Variants in NALCN observed in about 807,000 individuals in gnomAD.
The protein encoded by NALCN is sodium leak channel, non-selective, also known as sodium leak channel NALCN.
In NALCN, 111 loss-of-function variants were observed where a neutral mutation model predicts 225.3. The ratio of observed to expected loss-of-function variants is 0.49; its 90% CI spans 0.42 to 0.58. The LOEUF (loss-of-function observed/expected upper bound fraction) is 0.58. Among genes scored for constraint, NALCN ranks in the 20% least tolerant of loss-of-function variants. NALCN has a pLI of 0.00. For missense variants in NALCN, 1,378 were observed against 2,202.4 expected (o/e 0.63, Z 7.49); for synonymous variants, 764 against 769.0 (o/e 0.99, Z 0.11).
intron 7 of NALCN, among the ~76,000 whole-genome samples, chr13:101,314,278 T>C (rs769899006): frequency 6.6e-6 from 1 of 151,886 alleles, no homozygotes; most frequent in Middle Eastern, 3.2e-3. Flanking sequence ...AACCTGCACG[T>C]TGTGCACATG....
chr13:101,406,273 C>T (rs1487493357), intron 1 of NALCN, among the ~76,000 whole-genome samples: 1 of 151,938 alleles, frequency 6.6e-6, no homozygotes, highest in African/African-American at 2.4e-5. Flanking sequence ...CTGCAATGAG[C>T]CAAGATCATA....
intron 7 of NALCN, among the ~76,000 whole-genome samples, chr13:101,309,601 G>C (rs765506485): frequency 3.9e-5 from 6 of 152,132 alleles, no homozygotes; most frequent in Non-Finnish European, 8.8e-5. Context: ...CAAGACTCTA[G>C]TGTAATGCCT....
chr13:101,068,279 T>C (rs1207220623), intron 38 of NALCN, among the ~76,000 whole-genome samples: 1 of 152,194 alleles, frequency 6.6e-6, no homozygotes, highest in Non-Finnish European at 1.5e-5. Context: ...ATAGAGATAG[T>C]CATGCCAGCT....
At chr13:101,194,282 A>G (rs995031525) in intron 13 of NALCN, among the ~76,000 whole-genome samples, 1 of 152,142 alleles carries the variant, frequency 6.6e-6, no homozygotes, top group Admixed American at 6.6e-5. Flanking sequence ...CAGCTCAACC[A>G]CCTGAAAGCT....
chr13:101,405,286 G>C (rs2047585095), intron 1 of NALCN, among the ~76,000 whole-genome samples: 1 of 152,180 alleles, frequency 6.6e-6, no homozygotes, highest in African/African-American at 2.4e-5. Context: ...TCAGACAGAA[G>C]ACATGTCCAT....
At chr13:101,329,196 T>C (rs2045071262) in intron 7 of NALCN, among the ~76,000 whole-genome samples, 1 of 152,186 alleles carries the variant, frequency 6.6e-6, no homozygotes, top group Non-Finnish European at 1.5e-5. Flanking sequence ...CAAATATAGG[T>C]TATTGTTTTA....
At chr13:101,189,644 A>G (rs2762154) in intron 14 of NALCN, among the ~76,000 whole-genome samples, 54,910 of 151,832 alleles carry the variant, frequency 0.36, 10,471 homozygotes, top group African/African-American at 0.43. Context: ...TTCCAATTTC[A>G]TAGTCTTGTA....
chr13:101,244,174 C>A (rs1346493550), intron 11 of NALCN, among the ~76,000 whole-genome samples: 8 of 147,788 alleles, frequency 5.4e-5, no homozygotes, highest in South Asian at 2.1e-4. Flanking sequence ...ATTTTCATTC[C>A]AAAAAAAAAG....
intron 43 of NALCN, 127 bp from the exon 44 acceptor site, chr13:101,055,615 T>C: frequency 1.5e-6 from 1 of 674,730 alleles, no homozygotes. Flanking sequence ...AGATGCTAAG[T>C]AAACATCCTT....
At chr13:101,247,643 T>A (rs991769936) in intron 11 of NALCN, among the ~76,000 whole-genome samples, 4 of 152,208 alleles carry the variant, frequency 2.6e-5, no homozygotes, top group African/African-American at 7.2e-5. Flanking sequence ...TTTATTTTTT[T>A]AAATTAAATT....
chr13:101,299,371 G>C (rs899943220), intron 7 of NALCN, among the ~76,000 whole-genome samples: 1 of 152,104 alleles, frequency 6.6e-6, no homozygotes, highest in Admixed American at 6.5e-5. Context: ...GTTCCCAAAC[G>C]AAATTAAATG....
intron 35 of NALCN, 50 bp from the exon 36 acceptor site, chr13:101,074,712 GAC>G (rs1555375756): frequency 4.7e-4 from 614 of 1,296,552 alleles, no homozygotes; most frequent in African/African-American, 6.5e-4. Context: ...GAGAGAGAGA[GAC>G]AGAGACAGAG....
At chr13:101,309,483 C>G (rs1266650298) in intron 7 of NALCN, among the ~76,000 whole-genome samples, 1 of 152,174 alleles carries the variant, frequency 6.6e-6, no homozygotes, top group Non-Finnish European at 1.5e-5. Flanking sequence ...TACATTTCCT[C>G]ATCTGTCAAT....
chr13:101,291,954 C>G lies in NALCN; in HGVS notation c.1047+36G>C, dbSNP rs755193354. 5.8e-5 allele frequency: 93 copies of G among 1,603,924 alleles called. 2 individuals are homozygous for G. The South Asian group carries it at 8.6e-4, about 15-fold the overall frequency. On this transcript the variant is annotated intron_variant, in intron 9 of 43. Coordinates refer to ENST00000251127, the MANE Select transcript of NALCN (RefSeq NM_052867.4). ...GGTGAGGGTGAGACATGTGCATGCTCGAATGGGTTATAACATCCTCTTGCT... is the reference window on the plus strand; with the variant it reads ...GGTGAGGGTGAGACATGTGCATGCTGGAATGGGTTATAACATCCTCTTGCT...
rs990604101 is a variant in NALCN at position 101,068,138 on chromosome 13, C to A, written c.4331-105G>T. 2.7e-5 allele frequency: 19 copies of A among 712,290 alleles called. No individual in the cohort carries two copies. In the African/African-American group the frequency reaches 3.3e-4, roughly 12 times the overall value. 44.1% of individuals were successfully genotyped at this position (712,290 alleles called of 1,614,324 possible). ...TAATAATGGATTCTATCACCTATAT[C>A]ATAAGCCAAATTTTTAAAGTGCTTT... On this transcript the variant is annotated intron_variant, in intron 38 of 43. Coordinates refer to ENST00000251127, the MANE Select transcript of NALCN (RefSeq NM_052867.4).
intron 7 of NALCN, among the ~76,000 whole-genome samples, chr13:101,328,670 A>G (rs912716293): frequency 2.0e-5 from 3 of 152,148 alleles, no homozygotes; most frequent in Admixed American, 6.5e-5. Flanking sequence ...TTATGTATCT[A>G]GTAAAGATAA....
intron 15 of NALCN, among the ~76,000 whole-genome samples, chr13:101,161,536 T>C (rs2139868975): frequency 6.6e-6 from 1 of 152,292 alleles, no homozygotes; most frequent in Middle Eastern, 3.4e-3. Context: ...CTGCCTCCCA[T>C]CTTATAAGCT....
intron 11 of NALCN, among the ~76,000 whole-genome samples, chr13:101,240,522 C>A (rs977166995): frequency 2.0e-5 from 3 of 151,850 alleles, no homozygotes; most frequent in Non-Finnish European, 4.4e-5. Context: ...GAAATGTGCA[C>A]AATTTCATAA....
intron 14 of NALCN, among the ~76,000 whole-genome samples, chr13:101,178,099 A>G (rs1397291304): frequency 6.6e-6 from 1 of 152,180 alleles, no homozygotes; most frequent in Non-Finnish European, 1.5e-5. Flanking sequence ...CAAACTGGAC[A>G]TTTTAAAGTT....
Sources: gnomAD v4.1 joint callset for allele counts (sites outside exome capture counted in the v4.1 genomes callset) on GRCh38, gnomAD v4.1.1 for gene constraint, MANE v1.5 for transcripts, NCBI Gene and HGNC (gene_info 2026-07-23, HGNC 2026-07-21) for gene names.